The following CDH19 variants were observed in gnomAD, a reference collection of about 807,000 sequenced individuals.
CDH19 encodes cadherin 19.
CDH19 carries 67 observed loss-of-function variants against 64.2 expected under a neutral mutation model. The ratio of observed to expected loss-of-function variants is 1.04; its 90% CI spans 0.86 to 1.28. The LOEUF (loss-of-function observed/expected upper bound fraction) is 1.28, where lower values mean the gene tolerates loss of function less well. Among genes scored for constraint, CDH19 ranks in the 50% most tolerant of loss-of-function variants. The pLI is 0.00. For synonymous variants in CDH19, 346 were observed against 319.3 expected (o/e 1.08, Z -0.89); for missense variants, 1,030 against 929.0 (o/e 1.11, Z -1.41).
chr18:66,518,356 C>T (rs186405882), intron 9 of CDH19, among the ~76,000 whole-genome samples: 32 of 152,200 alleles, frequency 2.1e-4, no homozygotes, highest in Non-Finnish European at 4.0e-4. Context: ...GCCTCAGCCT[C>T]CTGAGTAGCT....
At position 66,592,787 on chromosome 18, in the gene CDH19, T is replaced by C. The variant is rs1345395065; in HGVS notation, c.-113+11167A>G. 2.6e-5 allele frequency among the ~76,000 whole-genome samples: 4 copies of C among 151,922 alleles called. No individual in the cohort carries two copies. The South Asian group carries it at 8.3e-4, about 31-fold the overall frequency. The stretch of plus-strand genomic sequence containing the variant: ...CACATTTTATTTATTCTTTTATTTC[T>C]TGATGGACACTTAGTTTTCTTCCAT... On this transcript the variant is annotated intron_variant, in intron 1 of 11. Transcript: ENST00000262150.
chr18:66,502,825 T>C lies in CDH19; in HGVS notation c.*1987A>G, dbSNP rs1471122561. 3 of 151,946 alleles carry C rather than the reference T, an allele frequency of 2.0e-5. No individual in the cohort carries two copies. Among genetic ancestry groups the C allele is most frequent in the African/African-American group, 7.2e-5 (3 of 41,454 alleles). The allele number at this position is 151,946 out of a possible 1,614,324, so 9.4% of individuals were successfully genotyped here. ...CATCTTATGTCCTCTCATCCACTTT[T>C]AATATCTTCCTAAATTATTTCACTT... On this transcript the variant is annotated 3_prime_UTR_variant, in exon 12 of 12. Coordinates refer to ENST00000262150, the MANE Select transcript of CDH19 (RefSeq NM_021153.4).
chr18:66,595,500 AC>A (rs1161711425), intron 1 of CDH19, among the ~76,000 whole-genome samples: 1 of 133,450 alleles, frequency 7.5e-6, no homozygotes, highest in Non-Finnish European at 1.6e-5. Flanking sequence ...GGACATTACC[AC>A]CGGCCCCACA....
At chr18:66,528,346 G>T (rs1226495667) in intron 9 of CDH19, among the ~76,000 whole-genome samples, 1 of 152,048 alleles carries the variant, frequency 6.6e-6, no homozygotes, top group Non-Finnish European at 1.5e-5. Flanking sequence ...TTCTGTTTTT[G>T]TGATCTCTTC....
At position 66,544,853 on chromosome 18, in the gene CDH19, C is replaced by T; in HGVS notation, c.826G>A (p.Gly276Arg). ...SESAPTGTSI[G>R]TIMAYDNDIG... ...TCATTATCATATGCCATGATTGTTC[C>T]TATAGAAGTCCCAGTGGGTGCAGAT... The change falls in exon 6 of 12, where the codon GGA becomes AGA. Residue 276 changes from glycine to arginine, a missense_variant. Transcript: ENST00000262150. The T allele has an allele frequency of 1.2e-6, 2 of 1,612,346 alleles. No individual in the cohort carries two copies. Among genetic ancestry groups the T allele is most frequent in the African/African-American group, 1.3e-5 (1 of 74,960 alleles).
intron 7 of CDH19, among the ~76,000 whole-genome samples, chr18:66,537,615 T>C (rs1428244619): frequency 1.3e-5 from 2 of 152,098 alleles, no homozygotes; most frequent in Admixed American, 6.6e-5. Flanking sequence ...ATTTTCAGTA[T>C]CCATAGAGGA....
intron 8 of CDH19, chr18:66,532,768 T>C (rs1294263044): frequency 2.2e-6 from 1 of 448,058 alleles, no homozygotes; most frequent in African/African-American, 2.0e-5. Context: ...TTCTAAGTTG[T>C]AGAACTACCT....
chr18:66,551,964 C>T (rs1025408554), intron 4 of CDH19, among the ~76,000 whole-genome samples: 1 of 151,806 alleles, frequency 6.6e-6, no homozygotes, highest in Admixed American at 6.6e-5. Flanking sequence ...AAATAATACC[C>T]AATACCCAAA....
At chr18:66,592,070 C>A (rs1309061662) in intron 1 of CDH19, among the ~76,000 whole-genome samples, 3 of 151,780 alleles carry the variant, frequency 2.0e-5, no homozygotes, top group African/African-American at 7.2e-5. Flanking sequence ...ATAAAAGGTT[C>A]TTCTCTAATG....
intron 9 of CDH19, among the ~76,000 whole-genome samples, chr18:66,512,065 A>G (rs2144350371): frequency 6.6e-6 from 1 of 151,624 alleles, no homozygotes; most frequent in East Asian, 1.9e-4. Flanking sequence ...TGATTTGCTA[A>G]AGTTGTCTAT....
At position 66,549,828 on chromosome 18, in the gene CDH19, T is replaced by G. The variant is rs116594480; in HGVS notation, c.775+1266A>C. Among the ~76,000 whole-genome samples, 858 of 152,156 alleles carry G rather than the reference T, an allele frequency of 5.6e-3. 12 individuals carry two copies. The highest frequency in any genetic ancestry group is 0.019 in the African/African-American group (801 of 41,538). On this transcript the variant is annotated intron_variant, in intron 5 of 11. Coordinates refer to ENST00000262150, the MANE Select transcript of CDH19 (RefSeq NM_021153.4). ...ACAGATATTCTCAAGTCTGTACAACTAATGAATGGAAAATTCAGGGTTTAA... is the reference window on the plus strand; with the variant it reads ...ACAGATATTCTCAAGTCTGTACAACGAATGAATGGAAAATTCAGGGTTTAA...
At chr18:66,531,116 A>C (rs937365687) in intron 8 of CDH19, among the ~76,000 whole-genome samples, 11 of 152,170 alleles carry the variant, frequency 7.2e-5, no homozygotes, top group African/African-American at 2.2e-4. Context: ...GGATAATGAA[A>C]TTTAAACTAC....
intron 8 of CDH19, among the ~76,000 whole-genome samples, chr18:66,534,318 C>T (rs77300321): frequency 0.014 from 2,199 of 151,902 alleles, 50 homozygotes; most frequent in African/African-American, 0.05. Flanking sequence ...TTCATTGTAT[C>T]GCAAATAATA....
chr18:66,593,239 G>T (rs1338119573), intron 1 of CDH19, among the ~76,000 whole-genome samples: 1 of 151,668 alleles, frequency 6.6e-6, no homozygotes, highest in Non-Finnish European at 1.5e-5. Flanking sequence ...AAAATAAATA[G>T]GAATTGTATT....
At chr18:66,555,855 A>G (rs571510010) in intron 3 of CDH19, among the ~76,000 whole-genome samples, 1 of 151,852 alleles carries the variant, frequency 6.6e-6, no homozygotes, top group East Asian at 1.9e-4. Flanking sequence ...TCCTCATTAT[A>G]ATTCTCTATC....
At chr18:66,603,428 T>C (rs576358936) in intron 1 of CDH19, among the ~76,000 whole-genome samples, 1 of 151,730 alleles carries the variant, frequency 6.6e-6, no homozygotes, top group East Asian at 1.9e-4. Flanking sequence ...ATATATGTGT[T>C]TTTATTCATA....
Position 66,544,730 on chromosome 18 carries a change from T to C in CDH19, c.949A>G (p.Ile317Val), listed in dbSNP as rs1987035338. The change falls in exon 6 of 12, where the codon ATA (isoleucine) becomes GTA (valine). Residue 317 changes from isoleucine (I) to valine (V), a missense_variant. Coordinates refer to ENST00000262150, the MANE Select transcript of CDH19 (RefSeq NM_021153.4). ...TTTAACATGTCTACCTTTTTTAATA[T>C]AACTATTCCTTCTTGAGTTTCATGA... ...TNHETQEGIVILKKKVDFEHQ... is the reference protein window; with the variant it reads ...TNHETQEGIVVLKKKVDFEHQ... The C allele has an allele frequency of 1.2e-6, 2 of 1,601,258 alleles. No individual in the cohort carries two copies. Among genetic ancestry groups the C allele is most frequent in the Non-Finnish European group, 1.7e-6 (2 of 1,172,122 alleles).
intron 9 of CDH19, among the ~76,000 whole-genome samples, chr18:66,524,336 T>A (rs1237729370): frequency 6.6e-6 from 1 of 151,934 alleles, no homozygotes; most frequent in Non-Finnish European, 1.5e-5. Flanking sequence ...ACACAAAGTT[T>A]CAGTTAGACA....
intron 1 of CDH19, among the ~76,000 whole-genome samples, chr18:66,579,176 G>GTTAAAAATCTTGACTTT (rs1176010639): frequency 6.6e-6 from 1 of 151,822 alleles, no homozygotes; most frequent in Non-Finnish European, 1.5e-5. Context: ...ATCTTGACTT[G>GTTAAAAATCTTGACTTT]TCAAAACCTA....
Sources: gnomAD v4.1 joint callset for allele counts (sites outside exome capture counted in the v4.1 genomes callset) on GRCh38, gnomAD v4.1.1 for gene constraint, MANE v1.5 for transcripts, NCBI Gene and HGNC (gene_info 2026-07-23, HGNC 2026-07-21) for gene names.